The following SLC5A12 variants were observed in gnomAD, a reference collection of about 807,000 sequenced individuals.
SLC5A12 encodes solute carrier family 5 member 12.
A neutral mutation model predicts 72.7 loss-of-function variants in SLC5A12; 46 were observed. That is an observed-to-expected ratio of 0.63 (90% confidence interval 0.50 to 0.81). SLC5A12 has a LOEUF of 0.81. Among genes scored for constraint, SLC5A12 ranks in the 30% least tolerant of loss-of-function variants. The pLI, the probability that SLC5A12 is intolerant of heterozygous loss-of-function variation, is 0.00. For synonymous variants in SLC5A12, 275 were observed against 264.4 expected, an observed-to-expected ratio of 1.04 and a Z score of -0.39; for missense variants, 683 against 740.7, an observed-to-expected ratio of 0.92 and a Z score of 0.90.
intron 4 of SLC5A12, 149 bp from the exon 5 acceptor site, chr11:26,704,096 G>C (rs1855029489): frequency 5.1e-6 from 4 of 786,860 alleles, no homozygotes; most frequent in Non-Finnish European, 8.2e-6. Context: ...ACCATGTTAA[G>C]CATGAGAACA....
intron 12 of SLC5A12, among the ~76,000 whole-genome samples, 182 bp downstream of exon 12, chr11:26,680,872 AG>A (rs1359536656): frequency 6.6e-6 from 1 of 152,174 alleles, no homozygotes; most frequent in Non-Finnish European, 1.5e-5. Flanking sequence ...CTGAATACAG[AG>A]GAATGGACAT....
intron 10 of SLC5A12, among the ~76,000 whole-genome samples, chr11:26,686,005 C>G (rs1404745542): frequency 2.6e-5 from 4 of 152,088 alleles, no homozygotes; most frequent in Non-Finnish European, 5.9e-5. Flanking sequence ...GTTCCTTCAT[C>G]TGGAAAATTA....
At chr11:26,719,797 A>G (rs962282709) in intron 1 of SLC5A12, among the ~76,000 whole-genome samples, 1 of 152,098 alleles carries the variant, frequency 6.6e-6, no homozygotes, top group African/African-American at 2.4e-5. Context: ...CCTCCTCTCT[A>G]TCTCATCCTA....
chr11:26,675,526 T>A (rs1018605590), intron 13 of SLC5A12, among the ~76,000 whole-genome samples: 1 of 152,174 alleles, frequency 6.6e-6, no homozygotes, highest in Non-Finnish European at 1.5e-5. Flanking sequence ...ACTACAGGAC[T>A]GTAGACATAC....
intron 4 of SLC5A12, among the ~76,000 whole-genome samples, chr11:26,705,349 C>T (rs1192570083): frequency 6.6e-6 from 1 of 151,930 alleles, no homozygotes; most frequent in Non-Finnish European, 1.5e-5. Flanking sequence ...AGTGATATAT[C>T]AATAAGTGCT....
intron 8 of SLC5A12, among the ~76,000 whole-genome samples, chr11:26,694,124 G>A (rs1434047777): frequency 6.6e-6 from 1 of 152,102 alleles, no homozygotes; most frequent in Non-Finnish European, 1.5e-5. Flanking sequence ...TGGCAGTCAG[G>A]TGTATCCATA....
intron 11 of SLC5A12, 81 bp from the exon 12 acceptor site, chr11:26,681,302 C>G (rs1854407768): frequency 8.5e-7 from 1 of 1,171,504 alleles, no homozygotes; most frequent in Admixed American, 3.3e-5. Flanking sequence ...AGTTCTATGC[C>G]TTAGAGATTC....
chr11:26,699,373 C>T (rs144582066), intron 6 of SLC5A12, among the ~76,000 whole-genome samples: 2 of 152,246 alleles, frequency 1.3e-5, no homozygotes, highest in Non-Finnish European at 2.9e-5. Flanking sequence ...TAAAGACACA[C>T]GTTTATTTCA....
rs760299118 is a variant in SLC5A12, at chr11:26,692,478, G to T, written c.1153+11C>A. ...ATGATATGGAATAGAAAGTCCACCA[G>T]CTGTACCTACATAAGCCTTTACTGA... On this transcript the variant is annotated intron_variant, in intron 9 of 14. Coordinates refer to ENST00000396005, the MANE Select transcript of SLC5A12 (RefSeq NM_178498.4). The T allele has an allele frequency of 3.8e-6, 6 of 1,560,650 alleles. No individual in the cohort carries two copies. The highest frequency in any genetic ancestry group is 1.7e-5 in the Admixed American group (1 of 59,944).
intron 13 of SLC5A12, among the ~76,000 whole-genome samples, chr11:26,673,786 A>T (rs564717841): frequency 1.3e-5 from 2 of 152,260 alleles, no homozygotes; most frequent in Non-Finnish European, 2.9e-5. Flanking sequence ...TTAAATATCT[A>T]TTATAGAAAA....
chr11:26,683,917 T>C, intron 10 of SLC5A12, 74 bp from the exon 11 acceptor site: 1 of 1,182,946 alleles, frequency 8.5e-7, no homozygotes, highest in Admixed American at 2.0e-5. Flanking sequence ...ATACCTCTCT[T>C]GGACCTGGGA....
chr11:26,690,610 A>T (rs929405171), intron 9 of SLC5A12, among the ~76,000 whole-genome samples: 5 of 149,470 alleles, frequency 3.3e-5, no homozygotes, highest in African/African-American at 1.2e-4. Flanking sequence ...TGGGACTTCG[A>T]GACCAGCCTG....
chr11:26,696,352 G>A (rs1854812351), intron 8 of SLC5A12, among the ~76,000 whole-genome samples: 1 of 152,132 alleles, frequency 6.6e-6, no homozygotes, highest in African/African-American at 2.4e-5. Context: ...CCCTTATTTG[G>A]GGAATGGAAG....
intron 9 of SLC5A12, among the ~76,000 whole-genome samples, chr11:26,687,648 T>A (rs532087490): frequency 1.3e-5 from 2 of 152,328 alleles, no homozygotes; most frequent in East Asian, 3.9e-4. Flanking sequence ...TTATCATTTT[T>A]ATTATTTTAT....
chr11:26,667,506 T>C lies in SLC5A12; in HGVS notation c.*3596A>G, dbSNP rs755431726. On this transcript the variant is annotated 3_prime_UTR_variant, in exon 15 of 15. Coordinates refer to ENST00000396005, the MANE Select transcript of SLC5A12 (RefSeq NM_178498.4). ...TAAAGTTCATTTTTAGCAAATACTA[T>C]ATAAACAAAGGGAAAAGACCCTCCC... The C allele has an allele frequency of 1.3e-5, 2 of 151,970 alleles. No homozygotes were observed. Among genetic ancestry groups the C allele is most frequent in the Non-Finnish European group, 2.9e-5 (2 of 67,896 alleles). 9.4% of individuals were successfully genotyped at this position (151,970 alleles called of 1,614,324 possible).
intron 13 of SLC5A12, 102 bp from the exon 14 acceptor site, chr11:26,673,631 T>C (rs1490800331): frequency 7.1e-7 from 1 of 1,400,858 alleles, no homozygotes; most frequent in Non-Finnish European, 9.4e-7. Context: ...CTTTTTAGAA[T>C]AAGAGTGAAA....
At chr11:26,694,383 G>A (rs1854757800) in intron 8 of SLC5A12, among the ~76,000 whole-genome samples, 1 of 152,112 alleles carries the variant, frequency 6.6e-6, no homozygotes, top group Non-Finnish European at 1.5e-5. Context: ...TCTGTTAACA[G>A]CCATATTTCT....
rs1335956092 is a variant in SLC5A12, at chr11:26,681,086, T to C, written c.1444A>G (p.Thr482Ala). The C allele has an allele frequency of 6.2e-7, 1 of 1,609,300 alleles. No individual in the cohort carries two copies. Among genetic ancestry groups the C allele is most frequent in the South Asian group, 1.1e-5 (1 of 90,268 alleles). The change falls in exon 12 of 15, where the codon ACA becomes GCA. Residue 482 changes from threonine (T) to alanine (A), a missense_variant. Physicochemically the swap from Thr to Ala is moderately conservative, Grantham distance 58 (BLOSUM62 0). Coordinates refer to ENST00000396005, the MANE Select transcript of SLC5A12 (RefSeq NM_178498.4). ...GATAGTACTGGAGGCCCTGTTGCTG[T>C]CACATTTGATTTGATACATTGGTCT... The part of the protein sequence containing the change: ...STDQCIKSNV[T>A]ATGPPVLSSR...
Position 26,669,115 on chromosome 11 carries a change from T to C in SLC5A12, c.*1987A>G, listed in dbSNP as rs181284798. 2.0e-5 allele frequency: 3 copies of C among 150,998 alleles called. No individual in the cohort carries two copies. The highest frequency in any genetic ancestry group is 7.3e-5 in the African/African-American group (3 of 40,976). 9.4% of individuals were successfully genotyped at this position (150,998 alleles called of 1,614,324 possible). On this transcript the variant is annotated 3_prime_UTR_variant, in exon 15 of 15. Coordinates refer to ENST00000396005, the MANE Select transcript of SLC5A12 (RefSeq NM_178498.4). ...ACCTACCATTAATTTATTCTCATCCTCAGAATTGCTGTTTTTTTATTCTTT... is the reference window on the plus strand; with the variant it reads ...ACCTACCATTAATTTATTCTCATCCCCAGAATTGCTGTTTTTTTATTCTTT...
Sources: gnomAD v4.1 joint callset for allele counts (sites outside exome capture counted in the v4.1 genomes callset) on GRCh38, gnomAD v4.1.1 for gene constraint, MANE v1.5 for transcripts, NCBI Gene and HGNC (gene_info 2026-07-23, HGNC 2026-07-21) for gene names.